The following AGPS variants were observed in gnomAD, a reference collection of about 807,000 sequenced individuals.
AGPS encodes the protein alkylglycerone phosphate synthase.
A neutral mutation model predicts 90.7 loss-of-function variants in AGPS; 26 were observed. That is an observed-to-expected ratio of 0.29 (90% CI 0.21 to 0.40). The LOEUF is 0.40. Among genes scored for constraint, AGPS ranks in the 10% least tolerant of loss-of-function variants. The pLI, the probability that AGPS is intolerant of heterozygous loss-of-function variation, is 1.00. For synonymous variants in AGPS, 294 were observed against 285.3 expected (o/e 1.03, Z -0.31); for missense variants, 540 against 816.1 (o/e 0.66, Z 4.12).
chr2:177,475,668 C>T (rs763245184), intron 10 of AGPS, among the ~76,000 whole-genome samples: 35 of 152,052 alleles, frequency 2.3e-4, no homozygotes, highest in Non-Finnish European at 1.5e-4. Flanking sequence ...AATATTCCAC[C>T]GCATGCATAT....
Position 177,493,213 on chromosome 2 carries a change from G to T in AGPS, c.1285+14G>T, listed in dbSNP as rs373059324. 1 of 1,603,948 alleles carries T rather than the reference G, an allele frequency of 6.2e-7. No individual in the cohort carries two copies. The highest frequency in any genetic ancestry group is 1.3e-5 in the African/African-American group (1 of 74,692). ...AGTTTCAGTTTGGTAAGTAAGGAGTGGTAATTTTAAAATGTCATTTAGCCA... is the reference window on the plus strand; with the variant it reads ...AGTTTCAGTTTGGTAAGTAAGGAGTTGTAATTTTAAAATGTCATTTAGCCA... On this transcript the variant is annotated intron_variant, in intron 12 of 19. Coordinates refer to ENST00000264167, the MANE Select transcript of AGPS (RefSeq NM_003659.4).
chr2:177,462,286 G>T (rs142136245), intron 9 of AGPS, among the ~76,000 whole-genome samples: 1 of 151,344 alleles, frequency 6.6e-6, no homozygotes, highest in Non-Finnish European at 1.5e-5. Context: ...CCAGCTACTC[G>T]GGAGGCTGAG....
Position 177,538,395 on chromosome 2 carries a change from T to C in AGPS, c.*200T>C. 1.6e-6 allele frequency: 1 copy of C among 611,376 alleles called. No homozygotes were observed. The highest frequency in any genetic ancestry group is 2.8e-6 in the Non-Finnish European group (1 of 357,110). The allele number at this position is 611,376 out of a possible 1,614,324, so 37.9% of individuals were successfully genotyped here. A position where few individuals can be genotyped will look rare whatever the true frequency, so the allele number is the denominator to read the frequency against. On this transcript the variant is annotated 3_prime_UTR_variant, in exon 20 of 20. Coordinates refer to ENST00000264167, the MANE Select transcript of AGPS (RefSeq NM_003659.4). ...GATAGTATTCCTAAATCTCTCTCAT[T>C]GTAGGTACATCATTTTACATTCAGC...
Position 177,461,871 on chromosome 2 carries a change from ATG to A in AGPS, c.871-20_871-19del. On this transcript the variant is annotated intron_variant, in intron 8 of 19. Coordinates refer to ENST00000264167, the MANE Select transcript of AGPS (RefSeq NM_003659.4). Reference sequence around the variant, plus strand: ...GTAATGGGACCATTTTCACTGTAAAATGTTAAATTTTTGTTTTTCAGCTTAAA... The same window carrying A: ...GTAATGGGACCATTTTCACTGTAAAATTAAATTTTTGTTTTTCAGCTTAAA... The A allele has an allele frequency of 6.2e-7, 1 of 1,603,162 alleles. No individual in the cohort carries two copies. The highest frequency in any genetic ancestry group is 1.3e-5 in the African/African-American group (1 of 74,658).
At chr2:177,412,019 G>A (rs1685636067) in intron 1 of AGPS, among the ~76,000 whole-genome samples, 1 of 152,192 alleles carries the variant, frequency 6.6e-6, no homozygotes, top group African/African-American at 2.4e-5. Flanking sequence ...CGAGAGCTGT[G>A]TGGCTAAATT....
At chr2:177,469,552 C>A (rs1687550889) in intron 10 of AGPS, among the ~76,000 whole-genome samples, 2 of 152,086 alleles carry the variant, frequency 1.3e-5, no homozygotes, top group African/African-American at 4.8e-5. Flanking sequence ...TATTCCTTTT[C>A]TGATCAGCAT....
At chr2:177,535,220 A>G (rs2079173149) in intron 19 of AGPS, among the ~76,000 whole-genome samples, 1 of 152,212 alleles carries the variant, frequency 6.6e-6, no homozygotes, top group African/African-American at 2.4e-5. Context: ...CTTTCAGTAG[A>G]TAACTATCAC....
At position 177,542,830 on chromosome 2, in the gene AGPS, C is replaced by T. The variant is rs1210970617; in HGVS notation, c.*4635C>T. The stretch of plus-strand genomic sequence containing the variant: ...CTTATACTATATCCCCAAAAGCTCA[C>T]AGTGCCTTGTTGGGATTTTTTTTTT... On this transcript the variant is annotated 3_prime_UTR_variant, in exon 20 of 20. Coordinates refer to ENST00000264167, the MANE Select transcript of AGPS (RefSeq NM_003659.4). 1 of 151,562 alleles carries T rather than the reference C, an allele frequency of 6.6e-6. No homozygotes were observed. The highest frequency in any genetic ancestry group is 1.5e-5 in the Non-Finnish European group (1 of 68,012). The allele number at this position is 151,562 out of a possible 1,614,324, so 9.4% of individuals were successfully genotyped here.
intron 10 of AGPS, among the ~76,000 whole-genome samples, chr2:177,481,394 T>C (rs1366262510): frequency 6.6e-6 from 1 of 151,930 alleles, no homozygotes; most frequent in African/African-American, 2.4e-5. Flanking sequence ...TGTTTTGTTT[T>C]TTTGTTTTTT....
At chr2:177,525,121 A>T (rs1442235293) in intron 19 of AGPS, among the ~76,000 whole-genome samples, 1 of 152,130 alleles carries the variant, frequency 6.6e-6, no homozygotes, top group Non-Finnish European at 1.5e-5. Flanking sequence ...TGGAAAAGGG[A>T]GGGAAATGAA....
At chr2:177,459,770 A>G (rs1048528326) in intron 8 of AGPS, among the ~76,000 whole-genome samples, 4 of 152,350 alleles carry the variant, frequency 2.6e-5, no homozygotes, top group Admixed American at 6.5e-5. Flanking sequence ...TTTCTCAAGG[A>G]TCTAGAACTA....
At chr2:177,407,498 C>T (rs1685499777) in intron 1 of AGPS, among the ~76,000 whole-genome samples, 1 of 152,028 alleles carries the variant, frequency 6.6e-6, no homozygotes. Flanking sequence ...ATAGCAAAAG[C>T]AGGAGCAAGA....
chr2:177,540,053 A>ATATATATATATATG lies in AGPS; in HGVS notation c.*1859_*1860insATATATATATATGT, dbSNP rs886055179. ...GAAGTATATATATATATATATATAT[A>ATATATATATATATG]TGTATGCATGTGTGTGTGTGTATAT... is the stretch of plus-strand genomic sequence containing the variant. On this transcript the variant is annotated 3_prime_UTR_variant, in exon 20 of 20. Transcript: ENST00000264167. 2.1e-4 allele frequency: 21 copies of ATATATATATATATG among 99,032 alleles called. No homozygotes were observed. The Admixed American group carries it at 2.8e-3, about 13-fold the overall frequency. 6.1% of individuals were successfully genotyped at this position (99,032 alleles called of 1,614,324 possible).
At chr2:177,428,572 A>G (rs1390902336) in intron 2 of AGPS, among the ~76,000 whole-genome samples, 3 of 152,130 alleles carry the variant, frequency 2.0e-5, no homozygotes, top group Non-Finnish European at 4.4e-5. Context: ...TTCTTCGCTT[A>G]TGAAGCTTAG....
At chr2:177,487,039 T>G (rs1574001963) in intron 11 of AGPS, among the ~76,000 whole-genome samples, 2 of 152,290 alleles carry the variant, frequency 1.3e-5, no homozygotes, top group South Asian at 4.1e-4. Flanking sequence ...AAATAATGTT[T>G]TTTAATCAGC....
chr2:177,459,749 C>T (rs1687230802), intron 8 of AGPS, among the ~76,000 whole-genome samples: 1 of 152,194 alleles, frequency 6.6e-6, no homozygotes, highest in Non-Finnish European at 1.5e-5. Flanking sequence ...TTGTGGAAGA[C>T]AGTGTGGCAA....
chr2:177,447,639 A>C (rs142813596), intron 8 of AGPS, among the ~76,000 whole-genome samples: 1 of 152,014 alleles, frequency 6.6e-6, no homozygotes, highest in African/African-American at 2.4e-5. Flanking sequence ...AAATTCAAGG[A>C]ACATATTTCC....
chr2:177,538,155 T>C lies in AGPS; in HGVS notation c.1937T>C (p.Val646Ala), dbSNP rs767204142. 6.2e-6 allele frequency: 10 copies of C among 1,612,952 alleles called. No individual in the cohort carries two copies. The African/African-American group carries it at 1.3e-4, about 22-fold the overall frequency. The change falls in exon 20 of 20, where the codon GTG (valine) becomes GCG (alanine). Residue 646 changes from valine to alanine, a missense_variant. Coordinates refer to ENST00000264167, the MANE Select transcript of AGPS (RefSeq NM_003659.4). The stretch of plus-strand genomic sequence containing the variant: ...ATGCTGAAGTCTGTCAAGGAATATG[T>C]GGACCCCAATAACATCTTTGGAAAC... ...FGMLKSVKEY[V>A]DPNNIFGNRN...
At chr2:177,396,937 C>CTTTTATT (rs1553504869) in intron 1 of AGPS, among the ~76,000 whole-genome samples, 3 of 137,376 alleles carry the variant, frequency 2.2e-5, no homozygotes, top group Non-Finnish European at 4.7e-5. Flanking sequence ...ACTTCTTTTT[C>CTTTTATT]TTTTCTTTTT....
Sources: gnomAD v4.1 joint callset for allele counts (sites outside exome capture counted in the v4.1 genomes callset) on GRCh38, gnomAD v4.1.1 for gene constraint, MANE v1.5 for transcripts, NCBI Gene and HGNC (gene_info 2026-07-23, HGNC 2026-07-21) for gene names.